Variants in SYTL3 observed in about 807,000 individuals in gnomAD.
SYTL3 encodes the protein synaptotagmin-like protein 3.
In SYTL3, 88 loss-of-function variants were observed where a neutral mutation model predicts 82.1. The observed-to-expected ratio is 1.07, with a 90% CI of 0.90 to 1.28. The LOEUF is 1.28. Ranked by LOEUF, SYTL3 falls within the 50% of genes most tolerant of loss-of-function variation. The pLI, the probability that SYTL3 is intolerant of heterozygous loss-of-function variation, is 0.00. For missense variants in SYTL3, 831 were observed against 757.6 expected (o/e 1.10, Z -1.14); for synonymous variants, 311 against 289.4 (o/e 1.07, Z -0.76).
In SYTL3 at chr6:158,763,287, TTG is replaced by T; in HGVS notation, c.1518-13_1518-12del. On this transcript the variant is annotated splice_polypyrimidine_tract_variant and intron_variant, in intron 16 of 17. Transcript: ENST00000611299. ...GTGTGGATGGCAATGATTGCAGGGT[TTG>T]TGTTCCCTCTTCAGCTGTCTCACTC... 6.2e-7 allele frequency: 1 copy of T among 1,613,450 alleles called. No individual in the cohort carries two copies. Among genetic ancestry groups the T allele is most frequent in the Middle Eastern group, 1.7e-4 (1 of 5,936 alleles).
chr6:158,715,078 G>C (rs1156480005), intron 9 of SYTL3, among the ~76,000 whole-genome samples: 1 of 152,104 alleles, frequency 6.6e-6, no homozygotes, highest in Non-Finnish European at 1.5e-5. Flanking sequence ...GTGCCCCTTG[G>C]CCTGGAACGT....
chr6:158,736,356 AAAG>A (rs1302134308), intron 11 of SYTL3, among the ~76,000 whole-genome samples: 1 of 152,162 alleles, frequency 6.6e-6, no homozygotes, highest in East Asian at 1.9e-4. Context: ...TGTCTCAAAA[AAAG>A]AAAAACTGTC....
At chr6:158,745,408 G>C (rs1206361915) in intron 11 of SYTL3, 72 bp from the exon 12 acceptor site, 4 of 1,335,350 alleles carry the variant, frequency 3.0e-6, no homozygotes, top group Non-Finnish European at 3.1e-6. Flanking sequence ...TTTATGTGCT[G>C]TCTTGAAACC....
intron 9 of SYTL3, among the ~76,000 whole-genome samples, chr6:158,716,818 C>T (rs533942897): frequency 9.2e-5 from 14 of 152,312 alleles, no homozygotes; most frequent in East Asian, 3.9e-4. Flanking sequence ...CCTCTAACCA[C>T]GTGTTGCTCT....
rs1425459589 is a variant in SYTL3, at chr6:158,665,578, C to G, written c.294C>G (p.Thr98=). The G allele has an allele frequency of 6.3e-7, 1 of 1,576,874 alleles. No homozygotes were observed. Among genetic ancestry groups the G allele is most frequent in the Admixed American group, 1.9e-5 (1 of 52,676 alleles). The part of the protein sequence containing the change: ...CAQCRVFLRG[T]HAWKCTVCFE... Reference sequence around the variant, plus strand: ...AGTGCCGAGTGTTCCTGAGGGGGACCCATGCCTGGAAGTGCACGGTGTGCT... The same window carrying G: ...AGTGCCGAGTGTTCCTGAGGGGGACGCATGCCTGGAAGTGCACGGTGTGCT... The change falls in exon 5 of 18, where the codon ACC becomes ACG. Residue 98 remains threonine, a synonymous_variant. Coordinates refer to ENST00000611299, the MANE Select transcript of SYTL3 (RefSeq NM_001242394.2).
At chr6:158,755,544 G>A (rs1323081949) in intron 13 of SYTL3, among the ~76,000 whole-genome samples, 3 of 152,198 alleles carry the variant, frequency 2.0e-5, no homozygotes, top group East Asian at 1.9e-4. Context: ...CATCAGAAGT[G>A]TGGACAGAGC....
chr6:158,687,699 G>C (rs961588471), intron 6 of SYTL3, among the ~76,000 whole-genome samples: 3 of 152,084 alleles, frequency 2.0e-5, no homozygotes, highest in Non-Finnish European at 4.4e-5. Flanking sequence ...TGAGTCTCTG[G>C]AATCTTCCTC....
At chr6:158,693,855 C>CTTTTCTTTTCTTTTTTTTTTTT (rs71030191) in intron 6 of SYTL3, among the ~76,000 whole-genome samples, 7 of 96,858 alleles carry the variant, frequency 7.2e-5, no homozygotes, top group South Asian at 3.2e-4. Context: ...TTTTTCTTTT[C>CTTTTCTTTTCTTTTTTTTTTTT]TTTTTTTTTT....
rs756474197 is a variant in SYTL3 at position 158,708,388 on chromosome 6, C to T, written c.513C>T (p.Gly171=). 6.2e-7 allele frequency: 1 copy of T among 1,613,870 alleles called. No individual in the cohort carries two copies. Among genetic ancestry groups the T allele is most frequent in the Non-Finnish European group, 8.5e-7 (1 of 1,179,770 alleles). ...VSESQCSRSP[G]RLQEFGQFRG... ...AGAGCCAGTGCAGCCGCAGTCCTGG[C>T]AGGGTAACGTATCCATTCTGGGCAC... The change falls in exon 8 of 18, where the codon GGC becomes GGT. Residue 171 remains glycine, a synonymous_variant. Coordinates refer to ENST00000611299, the MANE Select transcript of SYTL3 (RefSeq NM_001242394.2).
rs72372107 is a variant in SYTL3 at position 158,715,599 on chromosome 6, T to TCACACACACACACA, written c.595+1725_595+1738dup. On this transcript the variant is annotated intron_variant, in intron 9 of 17. Coordinates refer to ENST00000611299, the MANE Select transcript of SYTL3 (RefSeq NM_001242394.2). ...ATATGGAAAGCAGACTGAAACCGCATCACACACACACACACACGCACGCAC... is the reference window on the plus strand; with the variant it reads ...ATATGGAAAGCAGACTGAAACCGCATCACACACACACACACACACACACACACACACGCACGCAC... 8.7e-3 allele frequency among the ~76,000 whole-genome samples: 1,014 copies of TCACACACACACACA among 116,498 alleles called. 25 individuals are homozygous for TCACACACACACACA. The highest frequency in any genetic ancestry group is 0.02 in the African/African-American group (550 of 28,028). The allele number at this position is 116,498 out of a possible 152,430, so 76.4% of individuals were successfully genotyped here.
chr6:158,754,547 C>A (rs1029962659), intron 13 of SYTL3, among the ~76,000 whole-genome samples: 1 of 152,112 alleles, frequency 6.6e-6, no homozygotes, highest in African/African-American at 2.4e-5. Context: ...GGTGAAACCC[C>A]GTCTCTACTA....
At chr6:158,675,685 C>T (rs1031401589) in intron 5 of SYTL3, among the ~76,000 whole-genome samples, 5 of 152,144 alleles carry the variant, frequency 3.3e-5, no homozygotes, top group African/African-American at 9.7e-5. Flanking sequence ...CAGTGGCTCA[C>T]GCCTGTAATC....
intron 1 of SYTL3, among the ~76,000 whole-genome samples, chr6:158,651,204 C>T (rs1787969858): frequency 6.6e-6 from 1 of 152,170 alleles, no homozygotes; most frequent in Non-Finnish European, 1.5e-5. Context: ...AGTACTTAAA[C>T]TATCTGGTTC....
intron 2 of SYTL3, among the ~76,000 whole-genome samples, chr6:158,654,395 C>T (rs1012410778): frequency 6.6e-6 from 1 of 152,182 alleles, no homozygotes; most frequent in African/African-American, 2.4e-5. Flanking sequence ...CACTCAATGC[C>T]GTAACCAAAC....
chr6:158,698,343 G>A (rs924630117), intron 6 of SYTL3, among the ~76,000 whole-genome samples: 7 of 144,418 alleles, frequency 4.8e-5, no homozygotes, highest in African/African-American at 7.8e-5. Context: ...GCTGCAGTGA[G>A]CCGAGATCAC....
At chr6:158,653,693 C>T (rs373763190) in intron 2 of SYTL3, among the ~76,000 whole-genome samples, 1 of 152,178 alleles carries the variant, frequency 6.6e-6, no homozygotes, top group African/African-American at 2.4e-5. Flanking sequence ...AGCTGCCGCC[C>T]GCTTGAAATG....
chr6:158,676,990 CAG>C (rs1329108997), intron 5 of SYTL3, among the ~76,000 whole-genome samples: 1 of 152,168 alleles, frequency 6.6e-6, no homozygotes, highest in Non-Finnish European at 1.5e-5. Context: ...TTGTGGAAGA[CAG>C]TGTGGCGATT....
chr6:158,731,430 C>G (rs1321170668), intron 11 of SYTL3, among the ~76,000 whole-genome samples: 1 of 152,034 alleles, frequency 6.6e-6, no homozygotes, highest in Non-Finnish European at 1.5e-5. Context: ...AAGGACCCTA[C>G]CTTGTGCTGC....
At chr6:158,660,980 G>A (rs1789315361) in intron 2 of SYTL3, among the ~76,000 whole-genome samples, 1 of 152,172 alleles carries the variant, frequency 6.6e-6, no homozygotes, top group Admixed American at 6.5e-5. Context: ...GCTTGAGCCT[G>A]GGAGGCCAAG....
Sources: gnomAD v4.1 joint callset for allele counts (sites outside exome capture counted in the v4.1 genomes callset) on GRCh38, gnomAD v4.1.1 for gene constraint, MANE v1.5 for transcripts, NCBI Gene and HGNC (gene_info 2026-07-23, HGNC 2026-07-21) for gene names.